Variants in ANKRD11 observed in about 807,000 individuals in gnomAD.
The protein encoded by ANKRD11 is ankyrin repeat domain-containing protein 11.
Under a neutral mutation model 195.7 loss-of-function variants are expected in ANKRD11, and 17 were observed. The ratio of observed to expected loss-of-function variants is 0.09; its 90% CI spans 0.06 to 0.13. ANKRD11 has a LOEUF of 0.13. Ranked by LOEUF, ANKRD11 falls within the 10% of genes least tolerant of loss-of-function variation. The pLI is 1.00. For missense variants in ANKRD11, 3,735 were observed against 3,566.1 expected (o/e 1.05, Z -1.21); for synonymous variants, 1,953 against 1,528.1 (o/e 1.28, Z -6.49).
At chr16:89,455,022 G>C (rs1289322223) in intron 1 of ANKRD11, among the ~76,000 whole-genome samples, 162 of 82,622 alleles carry the variant, frequency 2.0e-3, no homozygotes, top group African/African-American at 7.2e-3. Flanking sequence ...TGCTGTTAGG[G>C]TTCCTCAAGC....
intron 2 of ANKRD11, among the ~76,000 whole-genome samples, chr16:89,408,513 C>T (rs571646966): frequency 6.6e-5 from 10 of 152,376 alleles, no homozygotes; most frequent in African/African-American, 1.9e-4. Flanking sequence ...CTCTGGCACA[C>T]CGCAGGCCAG....
At chr16:89,344,142 C>T (rs966588111) in intron 2 of ANKRD11, among the ~76,000 whole-genome samples, 9 of 152,324 alleles carry the variant, frequency 5.9e-5, no homozygotes, top group Admixed American at 1.3e-4. Flanking sequence ...GGAGTCTGTG[C>T]TCTGGGAGGA....
At chr16:89,302,316 A>G (rs1470948835) in intron 4 of ANKRD11, among the ~76,000 whole-genome samples, 1 of 152,128 alleles carries the variant, frequency 6.6e-6, no homozygotes, top group Non-Finnish European at 1.5e-5. Flanking sequence ...GCAATGGCGC[A>G]ATCTTGGCTC....
rs1346750119 is a variant in ANKRD11, at chr16:89,284,962, C to T, written c.1580G>A (p.Gly527Glu). The T allele has an allele frequency of 6.2e-7, 1 of 1,614,098 alleles. No homozygotes were observed. Among genetic ancestry groups the T allele is most frequent in the African/African-American group, 1.3e-5 (1 of 75,044 alleles). ...SLSASSTSSH[G>E]SSAAQKQNPS... The stretch of plus-strand genomic sequence containing the variant: ...GTTCTGCTTCTGGGCGGCAGAGCTC[C>T]CGTGAGACGAGGTGGAGGAGGCAGA... Residue 527 changes from glycine (G) to glutamate (E), a missense_variant, in exon 9 of 13, where the codon GGG becomes GAG. Coordinates refer to ENST00000301030, the MANE Select transcript of ANKRD11 (RefSeq NM_013275.6).
chr16:89,393,490 CTTTTTT>C (rs5818715), intron 2 of ANKRD11, among the ~76,000 whole-genome samples: 9 of 117,074 alleles, frequency 7.7e-5, no homozygotes, highest in African/African-American at 3.0e-4. Flanking sequence ...TATCCAGCTG[CTTTTTT>C]TTTTTTTTTT....
intron 1 of ANKRD11, among the ~76,000 whole-genome samples, chr16:89,459,666 A>T (rs1014631668): frequency 6.6e-6 from 1 of 152,184 alleles, no homozygotes; most frequent in Non-Finnish European, 1.5e-5. Context: ...AAAAAGGTTT[A>T]AAAAAATAAA....
At chr16:89,468,542 T>C (rs1232522139) in intron 1 of ANKRD11, among the ~76,000 whole-genome samples, 1 of 152,082 alleles carries the variant, frequency 6.6e-6, no homozygotes, top group Non-Finnish European at 1.5e-5. Context: ...CTGTCTCTAC[T>C]AAAAATACAA....
chr16:89,296,792 T>C (rs1455659302), intron 4 of ANKRD11, among the ~76,000 whole-genome samples: 1 of 152,208 alleles, frequency 6.6e-6, no homozygotes, highest in Non-Finnish European at 1.5e-5. Flanking sequence ...GGGTTTGCTT[T>C]TGCTGTGGTG....
intron 2 of ANKRD11, among the ~76,000 whole-genome samples, chr16:89,363,793 T>C (rs770310845): frequency 6.6e-6 from 1 of 152,144 alleles, no homozygotes; most frequent in Non-Finnish European, 1.5e-5. Context: ...CGGTGACTCA[T>C]GCCTGGAGCA....
At chr16:89,334,370 A>ACCCCAAG (rs1391067274) in intron 2 of ANKRD11, among the ~76,000 whole-genome samples, 8 of 151,980 alleles carry the variant, frequency 5.3e-5, no homozygotes, top group African/African-American at 1.7e-4. Context: ...ACTGAACAGA[A>ACCCCAAG]ACAACCTCCT....
chr16:89,472,096 G>A (rs1338665416), intron 1 of ANKRD11, among the ~76,000 whole-genome samples: 1 of 152,164 alleles, frequency 6.6e-6, no homozygotes, highest in Non-Finnish European at 1.5e-5. Flanking sequence ...CAGGATCAGG[G>A]CAGAAACCTA....
At chr16:89,270,645 C>T (rs1455150757) in intron 12 of ANKRD11, 172 bp downstream of exon 12, 13 of 704,286 alleles carry the variant, frequency 1.8e-5, no homozygotes, top group South Asian at 1.8e-4. Context: ...GGGACAGGAC[C>T]TCACCTCCCC....
chr16:89,357,428 T>C lies in ANKRD11; in HGVS notation c.-59-40350A>G, dbSNP rs552026829. On this transcript the variant is annotated intron_variant, in intron 2 of 12. Coordinates refer to ENST00000301030, the MANE Select transcript of ANKRD11 (RefSeq NM_013275.6). Reference sequence around the variant, plus strand: ...CTCGTGCATTGCTGGTGGGAACATATAATGGTGCAACTGCCAAAAAAAAAC... The same window carrying C: ...CTCGTGCATTGCTGGTGGGAACATACAATGGTGCAACTGCCAAAAAAAAAC... 6.6e-5 allele frequency among the ~76,000 whole-genome samples: 10 copies of C among 152,048 alleles called. No individual in the cohort carries two copies. The East Asian group carries it at 1.7e-3, about 26-fold the overall frequency.
At chr16:89,337,761 T>C (rs2038448384) in intron 2 of ANKRD11, among the ~76,000 whole-genome samples, 1 of 152,190 alleles carries the variant, frequency 6.6e-6, no homozygotes, top group Non-Finnish European at 1.5e-5. Flanking sequence ...ATTCTAACCA[T>C]GCAGACAATG....
At chr16:89,293,450 G>T (rs1428801969) in intron 4 of ANKRD11, among the ~76,000 whole-genome samples, 1 of 151,030 alleles carries the variant, frequency 6.6e-6, no homozygotes, top group African/African-American at 2.4e-5. Context: ...GGTTGCGGAG[G>T]GAGGAGCTGG....
intron 4 of ANKRD11, chr16:89,297,579 G>A (rs1278665221): frequency 6.6e-6 from 1 of 152,178 alleles, no homozygotes; most frequent in Admixed American, 6.5e-5. Flanking sequence ...GGTCCACAAC[G>A]CCAAGTTCCT....
chr16:89,405,429 T>C (rs2041866734), intron 2 of ANKRD11, among the ~76,000 whole-genome samples: 1 of 150,858 alleles, frequency 6.6e-6, no homozygotes, highest in South Asian at 2.1e-4. Context: ...GCTCAGGCGA[T>C]CCTCCCACCT....
chr16:89,438,667 T>C (rs1168410668), intron 1 of ANKRD11, among the ~76,000 whole-genome samples: 2 of 152,116 alleles, frequency 1.3e-5, no homozygotes, highest in Non-Finnish European at 2.9e-5. Flanking sequence ...TACTGGGTCA[T>C]GATGGACAGT....
rs753594952 is a variant in ANKRD11 at position 89,284,814 on chromosome 16, C to T, written c.1728G>A (p.Glu576=). The change falls in exon 9 of 13, where the codon GAG becomes GAA. Residue 576 remains glutamate (E), a synonymous_variant. Coordinates refer to ENST00000301030, the MANE Select transcript of ANKRD11 (RefSeq NM_013275.6). The part of the protein sequence containing the change: ...SDSTRTRLTS[E]SDYSSEGSSV... ...TGGAGCCCTCAGAGGAGTAGTCAGA[C>T]TCGCTTGTCAGTCTCGTCCTTGTGG... 14 of 1,613,856 alleles carry T rather than the reference C, an allele frequency of 8.7e-6. No homozygotes were observed. The highest frequency in any genetic ancestry group is 1.3e-5 in the African/African-American group (1 of 75,032).
Sources: gnomAD v4.1 joint callset for allele counts (sites outside exome capture counted in the v4.1 genomes callset) on GRCh38, gnomAD v4.1.1 for gene constraint, MANE v1.5 for transcripts, NCBI Gene and HGNC (gene_info 2026-07-23, HGNC 2026-07-21) for gene names.